KCND2: variants seen among roughly 807,000 people sequenced by gnomAD.
KCND2 encodes the protein A-type voltage-gated potassium channel KCND2.
Under a neutral mutation model 54.4 loss-of-function variants are expected in KCND2, and 16 were observed. That is an observed-to-expected ratio of 0.29 (90% confidence interval 0.20 to 0.45). The LOEUF is 0.45. Among genes scored for constraint, KCND2 ranks in the 20% least tolerant of loss-of-function variants. The pLI is 1.00. For missense variants in KCND2, 486 were observed against 824.2 expected, an observed-to-expected ratio of 0.59 and a Z score of 5.02; for synonymous variants, 317 against 310.7, an observed-to-expected ratio of 1.02 and a Z score of -0.21.
chr7:120,678,325 T>A (rs1792091887), intron 1 of KCND2, among the ~76,000 whole-genome samples: 1 of 143,712 alleles, frequency 7.0e-6, no homozygotes, highest in Non-Finnish European at 1.5e-5. Flanking sequence ...GGAGCTCTTC[T>A]ACCGTAGGTA....
chr7:120,687,535 G>T (rs1235748159), intron 1 of KCND2, among the ~76,000 whole-genome samples: 1 of 151,930 alleles, frequency 6.6e-6, no homozygotes, highest in Non-Finnish European at 1.5e-5. Flanking sequence ...TCATGTTGGG[G>T]GCAAGCATTG....
At chr7:120,529,788 C>G (rs1032391720) in intron 1 of KCND2, among the ~76,000 whole-genome samples, 1 of 152,072 alleles carries the variant, frequency 6.6e-6, no homozygotes, top group Non-Finnish European at 1.5e-5. Context: ...CCATGTTCCC[C>G]TAGGAATGAT....
At chr7:120,610,377 T>C (rs1792937427) in intron 1 of KCND2, among the ~76,000 whole-genome samples, 1 of 152,118 alleles carries the variant, frequency 6.6e-6, no homozygotes, top group Non-Finnish European at 1.5e-5. Context: ...ACTGAAAAGC[T>C]CAAAGTGCTA....
intron 1 of KCND2, among the ~76,000 whole-genome samples, chr7:120,503,583 A>G (rs1348981098): frequency 1.3e-5 from 2 of 151,822 alleles, no homozygotes; most frequent in Non-Finnish European, 2.9e-5. Flanking sequence ...TCTTTCCTTG[A>G]CCCTTCTGCA....
chr7:120,300,842 G>A (rs549416135), intron 1 of KCND2, among the ~76,000 whole-genome samples: 1 of 151,988 alleles, frequency 6.6e-6, no homozygotes, highest in Non-Finnish European at 1.5e-5. Context: ...CATGAAAATA[G>A]TTTTCTTACA....
intron 1 of KCND2, among the ~76,000 whole-genome samples, chr7:120,327,654 C>G (rs866310269): frequency 2.0e-5 from 3 of 152,006 alleles, no homozygotes; most frequent in Admixed American, 6.6e-5. Flanking sequence ...TTATTCAACT[C>G]TGTTTCATCA....
intron 1 of KCND2, among the ~76,000 whole-genome samples, chr7:120,487,580 T>G (rs192805910): frequency 2.6e-5 from 4 of 152,232 alleles, no homozygotes; most frequent in African/African-American, 7.2e-5. Context: ...GGGTGAGATC[T>G]CTGAGGTTTT....
intron 1 of KCND2, among the ~76,000 whole-genome samples, chr7:120,385,041 C>G (rs1454697153): frequency 8.6e-6 from 1 of 116,750 alleles, no homozygotes; most frequent in Non-Finnish European, 1.6e-5. Flanking sequence ...GGGTCTCACT[C>G]TGTTGCCCAG....
At chr7:120,422,293 A>G (rs1056745604) in intron 1 of KCND2, among the ~76,000 whole-genome samples, 1 of 152,220 alleles carries the variant, frequency 6.6e-6, no homozygotes, top group African/African-American at 2.4e-5. Context: ...AACATTTCCA[A>G]AGAATCTCAA....
rs139022410 is a variant in KCND2, at chr7:120,435,163, G to A, written c.1115+159416G>A. Among the ~76,000 whole-genome samples, 609 of 151,846 alleles carry A rather than the reference G, an allele frequency of 4.0e-3. 4 individuals are homozygous for A. The highest frequency in any genetic ancestry group is 0.014 in the African/African-American group (559 of 41,396). On this transcript the variant is annotated intron_variant, in intron 1 of 5. Transcript: ENST00000331113. ...GCCACCCAGGCTTGAGTGGAGTGCA[G>A]TGGCTTCATCTCTACTCATTGCAAC...
At chr7:120,600,629 C>T (rs1792802418) in intron 1 of KCND2, among the ~76,000 whole-genome samples, 1 of 151,996 alleles carries the variant, frequency 6.6e-6, no homozygotes, top group Admixed American at 6.6e-5. Context: ...AAGGGACAAA[C>T]AATGATTTGT....
chr7:120,742,270 A>C, intron 3 of KCND2: 1 of 489,126 alleles, frequency 2.0e-6, no homozygotes, highest in Non-Finnish European at 3.7e-6. Context: ...TTGAATGAGT[A>C]AAAGAGATTT....
At chr7:120,330,029 T>C (rs1800039504) in intron 1 of KCND2, among the ~76,000 whole-genome samples, 1 of 152,118 alleles carries the variant, frequency 6.6e-6, no homozygotes, top group Non-Finnish European at 1.5e-5. Flanking sequence ...TAGTTTGCTT[T>C]GTTTTGCTGT....
At position 120,672,374 on chromosome 7, in the gene KCND2, A is replaced by G. The variant is rs377189544; in HGVS notation, c.1116-60529A>G. Among the ~76,000 whole-genome samples, 641 of 152,226 alleles carry G rather than the reference A, an allele frequency of 4.2e-3. 2 individuals carry two copies. The highest frequency in any genetic ancestry group is 0.031 in the Middle Eastern group (9 of 294). On this transcript the variant is annotated intron_variant, in intron 1 of 5. Coordinates refer to ENST00000331113, the MANE Select transcript of KCND2 (RefSeq NM_012281.3). ...AATATACTCTTTGATGTTGTGTACA[A>G]TGGATATATGTCAGACATGTTGGTG...
At chr7:120,577,577 C>T (rs895795482) in intron 1 of KCND2, among the ~76,000 whole-genome samples, 4 of 152,008 alleles carry the variant, frequency 2.6e-5, no homozygotes, top group African/African-American at 9.7e-5. Flanking sequence ...AACACCAAAC[C>T]GTATTTTTTT....
chr7:120,397,972 AGTGTGTGTGT>A (rs372421333), intron 1 of KCND2, among the ~76,000 whole-genome samples: 153 of 109,576 alleles, frequency 1.4e-3, no homozygotes, highest in Non-Finnish European at 2.0e-3. Flanking sequence ...TGTGTATATA[AGTGTGTGTGT>A]GTGTGTGTGT....
intron 1 of KCND2, among the ~76,000 whole-genome samples, chr7:120,541,337 G>T (rs1315402741): frequency 6.6e-6 from 1 of 152,046 alleles, no homozygotes; most frequent in African/African-American, 2.4e-5. Flanking sequence ...CACTGGGAAA[G>T]CTTTATTAAA....
At chr7:120,685,978 A>T (rs1792196254) in intron 1 of KCND2, among the ~76,000 whole-genome samples, 1 of 152,166 alleles carries the variant, frequency 6.6e-6, no homozygotes, top group African/African-American at 2.4e-5. Context: ...AAGTGACTGA[A>T]GATCCTCCCC....
chr7:120,329,133 T>C (rs1800025259), intron 1 of KCND2, among the ~76,000 whole-genome samples: 1 of 151,610 alleles, frequency 6.6e-6, no homozygotes, highest in Admixed American at 6.6e-5. Flanking sequence ...TTTTTTTTTT[T>C]TTTTGGAGAT....
Sources: allele counts gnomAD v4.1 joint callset (sites outside exome capture counted in the v4.1 genomes callset), GRCh38; gene constraint gnomAD v4.1.1; transcripts MANE v1.5; gene names NCBI Gene and HGNC (gene_info 2026-07-23, HGNC 2026-07-21).